The following CAPZB variants were observed in gnomAD, a reference collection of about 807,000 sequenced individuals.
CAPZB encodes the protein F-actin-capping protein subunit beta.
Under a neutral mutation model 38.1 loss-of-function variants are expected in CAPZB, and 2 were observed. The observed-to-expected ratio is 0.05, with a 90% CI of 0.02 to 0.17. The LOEUF is 0.17. CAPZB is among the 10% of genes least tolerant of loss of function. The pLI is 1.00. For missense variants in CAPZB, 161 were observed against 334.2 expected (o/e 0.48, Z 4.04); for synonymous variants, 107 against 127.4 (o/e 0.84, Z 1.08).
At chr1:19,393,822 C>T (rs2094251439) in intron 2 of CAPZB, among the ~76,000 whole-genome samples, 1 of 152,238 alleles carries the variant, frequency 6.6e-6, no homozygotes, top group African/African-American at 2.4e-5. Flanking sequence ...CGACATGTGA[C>T]CTTTCCACTC....
In CAPZB at chr1:19,463,714, TG is replaced by T. The variant is rs530141880; in HGVS notation, c.3+21721del. ...AAGACCACTTGGCACCCTTAGCTCC[TG>T]GGACACTAGAACACATGGCCAAGTT... On this transcript the variant is annotated intron_variant, in intron 1 of 8. Transcript: ENST00000264202. Among the ~76,000 whole-genome samples, 27 of 152,318 alleles carry T rather than the reference TG, an allele frequency of 1.8e-4. No individual in the cohort carries two copies. The East Asian group carries it at 4.8e-3, about 27-fold the overall frequency.
intron 1 of CAPZB, among the ~76,000 whole-genome samples, chr1:19,477,010 T>C (rs2094609279): frequency 6.6e-6 from 1 of 152,240 alleles, no homozygotes; most frequent in Admixed American, 6.5e-5. Flanking sequence ...AGCAAGTTAC[T>C]ACACCTCTCT....
chr1:19,435,013 C>A lies in CAPZB; in HGVS notation c.4-15263G>T, dbSNP rs183685253. On this transcript the variant is annotated intron_variant, in intron 1 of 8. Coordinates refer to ENST00000264202, the MANE Select transcript of CAPZB (RefSeq NM_004930.5). ...GTCTCAAAGGAAAAAAAAAAACACACTCATTATAATATGGAATTAAACATA... is the reference window on the plus strand; with the variant it reads ...GTCTCAAAGGAAAAAAAAAAACACAATCATTATAATATGGAATTAAACATA... Among the ~76,000 whole-genome samples the A allele has an allele frequency of 7.0e-3, 911 of 130,852 alleles. 8 individuals are homozygous for A. The highest frequency in any genetic ancestry group is 0.022 in the African/African-American group (821 of 37,580). 85.8% of individuals were successfully genotyped at this position (130,852 alleles called of 152,430 possible).
At chr1:19,383,116 CAAAA>C (rs34245294) in intron 3 of CAPZB, among the ~76,000 whole-genome samples, 3 of 128,260 alleles carry the variant, frequency 2.3e-5, no homozygotes, top group Admixed American at 7.9e-5. Context: ...CCCATCTCTA[CAAAA>C]AAAAAAAAAA....
chr1:19,435,416 A>G (rs1173814665), intron 1 of CAPZB, among the ~76,000 whole-genome samples: 2 of 152,206 alleles, frequency 1.3e-5, no homozygotes, highest in African/African-American at 2.4e-5. Context: ...TTTGATAACT[A>G]GGAACTAAGC....
chr1:19,354,663 G>A (rs987755196), intron 6 of CAPZB, among the ~76,000 whole-genome samples: 9 of 152,234 alleles, frequency 5.9e-5, no homozygotes, highest in African/African-American at 1.2e-4. Flanking sequence ...ACGGCAAGCC[G>A]GAACCAGACT....
At chr1:19,447,367 G>A (rs1055192111) in intron 1 of CAPZB, among the ~76,000 whole-genome samples, 10 of 129,788 alleles carry the variant, frequency 7.7e-5, no homozygotes, top group Admixed American at 2.7e-4. Context: ...TTACAGGCAC[G>A]CTCCACCACA....
At chr1:19,367,571 T>A (rs1320808394) in intron 4 of CAPZB, among the ~76,000 whole-genome samples, 1 of 152,180 alleles carries the variant, frequency 6.6e-6, no homozygotes, top group Non-Finnish European at 1.5e-5. Context: ...CCCTTGTTTG[T>A]GTGTTGAGAC....
At chr1:19,412,678 CTTCT>C (rs1343612478) in intron 2 of CAPZB, among the ~76,000 whole-genome samples, 11 of 152,176 alleles carry the variant, frequency 7.2e-5, no homozygotes, top group Non-Finnish European at 1.3e-4. Flanking sequence ...TGTATTTGCT[CTTCT>C]TTCTTCCTCT....
chr1:19,429,761 G>A (rs2094436104), intron 1 of CAPZB, among the ~76,000 whole-genome samples: 1 of 152,174 alleles, frequency 6.6e-6, no homozygotes, highest in African/African-American at 2.4e-5. Context: ...GCTGCCAGGA[G>A]TCTCTAGAAA....
rs1445624742 is a variant in CAPZB, at chr1:19,366,299, TATATATATATAA to T, written c.330-8748_330-8737del. ...GTGTCTTAAAATATATATATATATA[TATATATATATAA>T]ATAAAATAAATGGTCATGAGGGACA... On this transcript the variant is annotated intron_variant, in intron 4 of 8. Transcript: ENST00000264202. Among the ~76,000 whole-genome samples the T allele has an allele frequency of 3.9e-3, 416 of 107,748 alleles. 38 individuals are homozygous for T. Among genetic ancestry groups the T allele is most frequent in the East Asian group, 0.019 (71 of 3,656 alleles). 70.7% of individuals were successfully genotyped at this position (107,748 alleles called of 152,430 possible).
rs560196192 is a variant in CAPZB at position 19,355,584 on chromosome 1, A to G, written c.588+1051T>C. ...ATTGAGAGCATAATTATCTTACCGA[A>G]AGAGATCTCTGATGTTAAAAGGAAT... On this transcript the variant is annotated intron_variant, in intron 6 of 8. Coordinates refer to ENST00000264202, the MANE Select transcript of CAPZB (RefSeq NM_004930.5). Among the ~76,000 whole-genome samples the G allele has an allele frequency of 3.3e-4, 51 of 152,324 alleles. 1 individual carries two copies. The South Asian group carries it at 9.9e-3, about 30-fold the overall frequency.
At chr1:19,474,694 C>A (rs2094600931) in intron 1 of CAPZB, among the ~76,000 whole-genome samples, 1 of 152,066 alleles carries the variant, frequency 6.6e-6, no homozygotes, top group Non-Finnish European at 1.5e-5. Flanking sequence ...GCCACCTTCA[C>A]AAGAGGAGAA....
In CAPZB at chr1:19,357,678, A is replaced by C; in HGVS notation, c.330-115T>G. The stretch of plus-strand genomic sequence containing the variant: ...ATTCAGGGCCCTCCCTGCGACAGTT[A>C]TGGGAGCCGATCCTTGGGTGTGTTC... On this transcript the variant is annotated intron_variant, in intron 4 of 8. Coordinates refer to ENST00000264202, the MANE Select transcript of CAPZB (RefSeq NM_004930.5). The surrounding 1 kb of genome is among the most constrained non-coding windows in gnomAD (Gnocchi z 4.3). The C allele has an allele frequency of 4.3e-6, 4 of 926,384 alleles. No homozygotes were observed. The highest frequency in any genetic ancestry group is 2.8e-4 in the Middle Eastern group (1 of 3,604). 57.4% of individuals were successfully genotyped at this position (926,384 alleles called of 1,614,324 possible). A position where few individuals can be genotyped will look rare whatever the true frequency, so the allele number is the denominator to read the frequency against.
chr1:19,404,654 A>G (rs1246048187), intron 2 of CAPZB, among the ~76,000 whole-genome samples: 3 of 151,970 alleles, frequency 2.0e-5, no homozygotes, highest in African/African-American at 7.2e-5. Flanking sequence ...AGGACATTTC[A>G]GAGCCCGATC....
chr1:19,452,355 G>C (rs539678889), intron 1 of CAPZB, among the ~76,000 whole-genome samples: 2 of 152,332 alleles, frequency 1.3e-5, no homozygotes, highest in Admixed American at 6.5e-5. Flanking sequence ...TAGGCTCCAG[G>C]GGAGCAAAGG....
At chr1:19,429,001 A>G (rs2094433522) in intron 1 of CAPZB, among the ~76,000 whole-genome samples, 1 of 152,236 alleles carries the variant, frequency 6.6e-6, no homozygotes, top group Non-Finnish European at 1.5e-5. Flanking sequence ...TTTTAAAAAA[A>G]TTCTAGAAGA....
intron 4 of CAPZB, among the ~76,000 whole-genome samples, chr1:19,360,288 G>A (rs1329922389): frequency 2.6e-5 from 4 of 152,144 alleles, no homozygotes; most frequent in African/African-American, 9.7e-5. Flanking sequence ...CCTTTCAGTC[G>A]GCTTACAGGG....
chr1:19,475,725 G>A (rs960294375), intron 1 of CAPZB, among the ~76,000 whole-genome samples: 3 of 152,204 alleles, frequency 2.0e-5, no homozygotes, highest in Non-Finnish European at 4.4e-5. Flanking sequence ...GTCTGTATTA[G>A]GTTGAACCAC....
Sources: gnomAD v4.1 joint callset for allele counts (sites outside exome capture counted in the v4.1 genomes callset) on GRCh38, gnomAD v4.1.1 for gene constraint, Gnocchi (gnomAD v3.1) non-coding constraint, MANE v1.5 for transcripts, NCBI Gene and HGNC (gene_info 2026-07-23, HGNC 2026-07-21) for gene names.